SEL1L2: variants seen among roughly 807,000 people sequenced by gnomAD.
SEL1L2 encodes the protein SEL1L2 adaptor subunit of SYVN1 ubiquitin ligase.
SEL1L2 carries 89 observed loss-of-function variants against 98.8 expected under a neutral mutation model. The ratio of observed to expected loss-of-function variants is 0.90; its 90% CI spans 0.76 to 1.07. SEL1L2 has a LOEUF of 1.07. Ranked by LOEUF, SEL1L2 falls within the 50% of genes least tolerant of loss-of-function variation. The probability of loss-of-function intolerance (pLI) is 0.00; values close to 1 mark genes in which losing one functional copy is unlikely to be tolerated. For synonymous variants in SEL1L2, 262 were observed against 278.5 expected, an observed-to-expected ratio of 0.94 and a Z score of 0.59; for missense variants, 788 against 812.0, an observed-to-expected ratio of 0.97 and a Z score of 0.36.
chr20:13,931,879 T>C (rs1410298293), intron 2 of SEL1L2, 108 bp from the exon 3 acceptor site: 6 of 858,262 alleles, frequency 7.0e-6, no homozygotes, highest in Non-Finnish European at 1.0e-5. Flanking sequence ...ACAAGCTTAA[T>C]GCAATTACTC....
chr20:13,939,959 G>A (rs545862359), intron 2 of SEL1L2, among the ~76,000 whole-genome samples: 178 of 152,252 alleles, frequency 1.2e-3, no homozygotes, highest in Non-Finnish European at 2.2e-3. Flanking sequence ...AAGCCACCGC[G>A]CCTGGCCAAA....
At chr20:13,875,009 T>C (rs1032021983) in intron 12 of SEL1L2, among the ~76,000 whole-genome samples, 7 of 152,168 alleles carry the variant, frequency 4.6e-5, no homozygotes, top group African/African-American at 7.2e-5. Context: ...ATCTGACAGA[T>C]ACCAGCCTCA....
intron 1 of SEL1L2, among the ~76,000 whole-genome samples, chr20:13,961,695 G>A (rs1352263581): frequency 3.3e-5 from 5 of 152,164 alleles, no homozygotes; most frequent in Non-Finnish European, 5.9e-5. Flanking sequence ...AAGGAAGGAC[G>A]ACTCAGAAGG....
At chr20:13,964,698 T>C (rs550833263) in intron 1 of SEL1L2, among the ~76,000 whole-genome samples, 6 of 152,100 alleles carry the variant, frequency 3.9e-5, no homozygotes, top group African/African-American at 1.4e-4. Context: ...AGGTGATCCA[T>C]GCGCCTCGGC....
intron 1 of SEL1L2, among the ~76,000 whole-genome samples, chr20:13,986,300 A>T (rs576580866): frequency 6.6e-6 from 1 of 152,306 alleles, no homozygotes; most frequent in African/African-American, 2.4e-5. Context: ...ATTAAGTGAC[A>T]TTTAGTGCAT....
chr20:13,894,752 G>A (rs1212994488), intron 5 of SEL1L2, among the ~76,000 whole-genome samples: 1 of 152,128 alleles, frequency 6.6e-6, no homozygotes, highest in Non-Finnish European at 1.5e-5. Flanking sequence ...AAAACAAATG[G>A]ATTAATTGCT....
At chr20:13,876,350 G>T (rs775310623) in intron 11 of SEL1L2, among the ~76,000 whole-genome samples, 1 of 150,214 alleles carries the variant, frequency 6.7e-6, no homozygotes, top group Non-Finnish European at 1.5e-5. Flanking sequence ...CTTCTGGAGT[G>T]ACCCTGCCTG....
intron 1 of SEL1L2, among the ~76,000 whole-genome samples, chr20:13,958,827 C>T (rs536076901): frequency 6.6e-6 from 1 of 151,610 alleles, no homozygotes; most frequent in Non-Finnish European, 1.5e-5. Context: ...GCCTGTAGTC[C>T]CAGCTACTTG....
chr20:13,939,035 G>GTTTTTTTT (rs779584914), intron 2 of SEL1L2, among the ~76,000 whole-genome samples: 636 of 31,348 alleles, frequency 0.02, 31 homozygotes, highest in East Asian at 0.032. Context: ...TTGTTTGCTT[G>GTTTTTTTT]TTTTGTTTTT....
intron 3 of SEL1L2, among the ~76,000 whole-genome samples, chr20:13,921,421 C>T (rs2048663392): frequency 6.6e-6 from 1 of 152,196 alleles, no homozygotes; most frequent in Non-Finnish European, 1.5e-5. Flanking sequence ...ATCTGCCCAC[C>T]TTGGCTTCCC....
chr20:13,947,127 G>GCATCCAT (rs1569020965), intron 2 of SEL1L2, among the ~76,000 whole-genome samples: 1 of 151,800 alleles, frequency 6.6e-6, no homozygotes, highest in East Asian at 1.9e-4. Context: ...CTGGGGGCCA[G>GCATCCAT]GATCCATTCC....
chr20:13,960,026 T>G (rs2050709531), intron 1 of SEL1L2, among the ~76,000 whole-genome samples: 7 of 152,220 alleles, frequency 4.6e-5, no homozygotes, highest in Admixed American at 4.6e-4. Flanking sequence ...CTAATTATAT[T>G]TGTGTATTAG....
rs545796601 is a variant in SEL1L2 at position 13,980,441 on chromosome 20, C to G, written c.58+10036G>C. 2.0e-5 allele frequency among the ~76,000 whole-genome samples: 3 copies of G among 152,308 alleles called. No individual in the cohort carries two copies. In the East Asian group the frequency reaches 5.8e-4, roughly 29 times the overall value. The stretch of plus-strand genomic sequence containing the variant: ...CAGGCTGGTCTCAAACTCCTCACCT[C>G]AGGTGATCCACCTGCCTCGGCCTCC... On this transcript the variant is annotated intron_variant, in intron 1 of 19. Coordinates refer to ENST00000284951, the MANE Select transcript of SEL1L2 (RefSeq NM_025229.2).
intron 18 of SEL1L2, 68 bp from the exon 19 acceptor site, chr20:13,850,387 C>A: frequency 6.5e-7 from 1 of 1,543,498 alleles, no homozygotes; most frequent in Admixed American, 1.7e-5. Flanking sequence ...CCATTGTTCA[C>A]AATATCAAAT....
At chr20:13,929,889 T>C (rs1408041135) in intron 3 of SEL1L2, among the ~76,000 whole-genome samples, 1 of 152,086 alleles carries the variant, frequency 6.6e-6, no homozygotes, top group East Asian at 1.9e-4. Context: ...CTCCTGGCCT[T>C]AAGTGAACTT....
At chr20:13,946,249 T>G (rs2050001621) in intron 2 of SEL1L2, among the ~76,000 whole-genome samples, 1 of 151,754 alleles carries the variant, frequency 6.6e-6, no homozygotes, top group Admixed American at 6.6e-5. Context: ...TCCCTAGAGA[T>G]TCTACACAAA....
In SEL1L2 at chr20:13,931,620, T is replaced by C; in HGVS notation, c.266A>G (p.Lys89Arg). 2 of 1,413,648 alleles carry C rather than the reference T, an allele frequency of 1.4e-6. No individual in the cohort carries two copies. Among genetic ancestry groups the C allele is most frequent in the Non-Finnish European group, 1.9e-6 (2 of 1,036,092 alleles). The allele number at this position is 1,413,648 out of a possible 1,614,324, so 87.6% of individuals were successfully genotyped here. A position where few individuals can be genotyped will look rare whatever the true frequency, so the allele number is the denominator to read the frequency against. ...CTACTTACAATGATTCTTATTTCTC[T>C]TCAAGATATCTTTATTTTGAATTCC... The part of the protein sequence containing the change: ...IKGIQNKDIL[K>R]RNKNHLQKQA... The change falls in exon 3 of 20, where the codon AAG becomes AGG. Residue 89 changes from lysine (K) to arginine (R), a missense_variant. By Grantham distance (26) the Lys-to-Arg change is conservative (BLOSUM62 2). Transcript: ENST00000284951.
chr20:13,879,033 A>G (rs2046567541), intron 10 of SEL1L2, among the ~76,000 whole-genome samples: 1 of 152,156 alleles, frequency 6.6e-6, no homozygotes, highest in African/African-American at 2.4e-5. Flanking sequence ...TTAATATCTG[A>G]TCTTATTACC....
At chr20:13,942,881 T>C (rs927893720) in intron 2 of SEL1L2, among the ~76,000 whole-genome samples, 1 of 152,222 alleles carries the variant, frequency 6.6e-6, no homozygotes, top group Non-Finnish European at 1.5e-5. Context: ...ATGTTTACAT[T>C]GAAGCAAAGC....
Sources: allele counts gnomAD v4.1 joint callset (sites outside exome capture counted in the v4.1 genomes callset), GRCh38; gene constraint gnomAD v4.1.1; transcripts MANE v1.5; gene names NCBI Gene and HGNC (gene_info 2026-07-23, HGNC 2026-07-21).